SLC9C1: variants seen among roughly 807,000 people sequenced by gnomAD.
The protein encoded by SLC9C1 is solute carrier family 9 member C1, also known as sodium/hydrogen exchanger 10.
SLC9C1 carries 97 observed loss-of-function variants against 140.9 expected under a neutral mutation model. That is an observed-to-expected ratio of 0.69 (90% CI 0.58 to 0.82). SLC9C1 has a LOEUF of 0.82. SLC9C1 is among the 40% of genes least tolerant of loss of function. The pLI is 0.00. For missense variants in SLC9C1, 1,340 were observed against 1,389.3 expected (o/e 0.96, Z 0.56); for synonymous variants, 440 against 442.6 (o/e 0.99, Z 0.07).
At chr3:112,195,090 T>A (rs556565120) in intron 20 of SLC9C1, among the ~76,000 whole-genome samples, 1 of 152,172 alleles carries the variant, frequency 6.6e-6, no homozygotes, top group Non-Finnish European at 1.5e-5. Context: ...TACTCTGTAA[T>A]AGTGGTTTTT....
At chr3:112,246,134 G>A (rs1290264876) in intron 10 of SLC9C1, among the ~76,000 whole-genome samples, 1 of 152,022 alleles carries the variant, frequency 6.6e-6, no homozygotes, top group South Asian at 2.1e-4. Context: ...TTATTTCCTG[G>A]TGAGCAGTTA....
Position 112,277,900 on chromosome 3 carries a change from T to C in SLC9C1, c.319-40A>G, listed in dbSNP as rs2080259263. 7 of 1,492,360 alleles carry C rather than the reference T, an allele frequency of 4.7e-6. No individual in the cohort carries two copies. In the Admixed American group the frequency reaches 7.6e-5, roughly 16 times the overall value. The allele number at this position is 1,492,360 out of a possible 1,614,324, so 92.4% of individuals were successfully genotyped here. A position where few individuals can be genotyped will look rare whatever the true frequency, so the allele number is the denominator to read the frequency against. On this transcript the variant is annotated intron_variant, in intron 4 of 28. Coordinates refer to ENST00000305815, the MANE Select transcript of SLC9C1 (RefSeq NM_183061.3). ...TACAATTAGAAAAATCAGACTGCTT[T>C]TGTAGTCCATTTTAAGAAGAAAATA...
chr3:112,242,674 G>T (rs1559704275), intron 11 of SLC9C1, among the ~76,000 whole-genome samples: 1 of 152,070 alleles, frequency 6.6e-6, no homozygotes, highest in African/African-American at 2.4e-5. Flanking sequence ...ATAACTAAAA[G>T]AGCACAATTG....
chr3:112,223,950 G>C (rs1343014038), intron 13 of SLC9C1, among the ~76,000 whole-genome samples: 1 of 152,190 alleles, frequency 6.6e-6, no homozygotes, highest in Non-Finnish European at 1.5e-5. Flanking sequence ...TGTCAAGTGA[G>C]CTGAGCTGCT....
At chr3:112,234,833 T>C (rs967201763) in intron 12 of SLC9C1, among the ~76,000 whole-genome samples, 4 of 152,164 alleles carry the variant, frequency 2.6e-5, no homozygotes, top group African/African-American at 9.6e-5. Context: ...TTCCATTGTC[T>C]AGATCTCTGT....
Position 112,239,876 on chromosome 3 carries a change from C to A in SLC9C1, c.1410G>T (p.Met470Ile). 1 of 1,613,482 alleles carries A rather than the reference C, an allele frequency of 6.2e-7. No homozygotes were observed. The highest frequency in any genetic ancestry group is 1.1e-5 in the South Asian group (1 of 90,830). The stretch of plus-strand genomic sequence containing the variant: ...TTTCAAGTGTAATTGCTTTCTCAAT[C>A]ATGTTCCAATCAGCATTAGCAAGAT... ...DKDLANADWN[M>I]IEKAITLENP... The change falls in exon 12 of 29, where the codon ATG becomes ATT. Residue 470 changes from methionine (M) to isoleucine (I), a missense_variant. Coordinates refer to ENST00000305815, the MANE Select transcript of SLC9C1 (RefSeq NM_183061.3).
At chr3:112,229,458 A>C (rs1576394948) in intron 13 of SLC9C1, among the ~76,000 whole-genome samples, 2 of 151,490 alleles carry the variant, frequency 1.3e-5, no homozygotes, top group East Asian at 3.9e-4. Context: ...ATGTATAATT[A>C]TATGTCAATT....
intron 13 of SLC9C1, among the ~76,000 whole-genome samples, chr3:112,223,781 G>C (rs1412226144): frequency 5.3e-5 from 8 of 152,116 alleles, no homozygotes; most frequent in African/African-American, 1.9e-4. Context: ...AATATTATTT[G>C]AGCACCTACT....
At chr3:112,180,928 G>T (rs1342630960) in intron 21 of SLC9C1, among the ~76,000 whole-genome samples, 1 of 152,060 alleles carries the variant, frequency 6.6e-6, no homozygotes, top group Non-Finnish European at 1.5e-5. Context: ...GCTAATTTTT[G>T]CATTTTTAGT....
intron 12 of SLC9C1, among the ~76,000 whole-genome samples, chr3:112,235,283 A>G (rs201503750): frequency 0.13 from 13,268 of 102,848 alleles, 891 homozygotes; most frequent in East Asian, 0.18. Flanking sequence ...TTTGTTTGTT[A>G]TTGGTGTATA....
intron 10 of SLC9C1, 120 bp from the exon 11 acceptor site, chr3:112,244,196 A>T: frequency 1.9e-6 from 1 of 514,754 alleles, no homozygotes; most frequent in Non-Finnish European, 3.3e-6. Flanking sequence ...TACTGTGTTA[A>T]TAGATGCTCA....
At position 112,179,567 on chromosome 3, in the gene SLC9C1, A is replaced by G. The variant is rs757402560; in HGVS notation, c.2883T>C (p.Pro961=). The G allele has an allele frequency of 1.2e-6, 2 of 1,609,464 alleles. No individual in the cohort carries two copies. The highest frequency in any genetic ancestry group is 1.7e-6 in the Non-Finnish European group (2 of 1,178,656). The change falls in exon 23 of 29, where the codon CCT becomes CCC. Residue 961 remains proline, a synonymous_variant. Transcript: ENST00000305815. ...TTTTGCAGGTGGCAGAATATTTCAT[A>G]GGTTCATTAGTTAAGCAGTTTATCT... The part of the protein sequence containing the change: ...IGEINCLTNE[P]MKYSATCKTV...
At chr3:112,159,858 T>C (rs1298319022) in intron 26 of SLC9C1, among the ~76,000 whole-genome samples, 1 of 152,084 alleles carries the variant, frequency 6.6e-6, no homozygotes, top group Non-Finnish European at 1.5e-5. Flanking sequence ...TTAAGGTCCA[T>C]TTTATCTGAT....
chr3:112,266,387 A>G (rs1010582747), intron 7 of SLC9C1, 47 bp from the exon 8 acceptor site: 2 of 1,416,516 alleles, frequency 1.4e-6, no homozygotes, highest in Admixed American at 2.0e-5. Context: ...TAACATCAAC[A>G]GCAGCACAAA....
Position 112,202,394 on chromosome 3 carries a change from T to C in SLC9C1, c.2178A>G (p.Ile726Met). 1.3e-6 allele frequency: 2 copies of C among 1,595,034 alleles called. No individual in the cohort carries two copies. Among genetic ancestry groups the C allele is most frequent in the South Asian group, 2.3e-5 (2 of 86,910 alleles). The change falls in exon 18 of 29, where the codon ATA becomes ATG. Residue 726 changes from isoleucine to methionine, a missense_variant. Physicochemically the swap from Ile to Met is conservative, Grantham distance 10. Coordinates refer to ENST00000305815, the MANE Select transcript of SLC9C1 (RefSeq NM_183061.3). ...CTATTATTTGCAGCAACTTTGGTGC[T>C]ATGAGCTGAATTAAACAGGACTTCC... The part of the protein sequence containing the change: ...FFRILRIFKL[I>M]APKLLQIIDK...
At chr3:112,219,691 A>G (rs1907764) in intron 14 of SLC9C1, among the ~76,000 whole-genome samples, 114,778 of 151,976 alleles carry the variant, frequency 0.76, 43,743 homozygotes, top group East Asian at 0.99. Context: ...CAATTCTCCT[A>G]TCTCAGCCTC....
chr3:112,234,308 T>C (rs2108187527), intron 12 of SLC9C1, among the ~76,000 whole-genome samples: 1 of 152,366 alleles, frequency 6.6e-6, no homozygotes, highest in South Asian at 2.1e-4. Context: ...TCATATCATT[T>C]GCCCACTTTT....
At chr3:112,254,538 A>G (rs2079550593) in intron 10 of SLC9C1, among the ~76,000 whole-genome samples, 2 of 152,160 alleles carry the variant, frequency 1.3e-5, no homozygotes, top group Non-Finnish European at 2.9e-5. Flanking sequence ...AGATAAGCAA[A>G]TACTGAAGGA....
intron 19 of SLC9C1, among the ~76,000 whole-genome samples, chr3:112,200,025 A>G (rs2077868051): frequency 6.6e-6 from 1 of 151,952 alleles, no homozygotes; most frequent in Non-Finnish European, 1.5e-5. Context: ...CTTGACCATA[A>G]CCTCTTATCT....
Sources: allele counts gnomAD v4.1 joint callset (sites outside exome capture counted in the v4.1 genomes callset), GRCh38; gene constraint gnomAD v4.1.1; transcripts MANE v1.5; gene names NCBI Gene and HGNC (gene_info 2026-07-23, HGNC 2026-07-21).